NRXN3: variants seen among roughly 807,000 people sequenced by gnomAD.
NRXN3 encodes neurexin 3.
In NRXN3, 32 loss-of-function variants were observed where a neutral mutation model predicts 137.6. The ratio of observed to expected loss-of-function variants is 0.23; its 90% CI spans 0.18 to 0.31. NRXN3 has a LOEUF of 0.31. Ranked by LOEUF, NRXN3 falls within the 10% of genes least tolerant of loss-of-function variation. The pLI, the probability that NRXN3 is intolerant of heterozygous loss-of-function variation, is 1.00. For synonymous variants in NRXN3, 798 were observed against 784.5 expected (o/e 1.02, Z -0.29); for missense variants, 1,574 against 2,062.5 (o/e 0.76, Z 4.59).
In NRXN3 at chr14:78,709,456, T is replaced by C. The variant is rs753449966; in HGVS notation, c.1461T>C (p.Thr487=). The change falls in exon 7 of 21, where the codon ACT becomes ACC. Residue 487 remains threonine (T), a synonymous_variant. Transcript: ENST00000335750. ...TTEPNGLILF[T]HGKPQERKDA... ...AGCCCAATGGCCTGATCCTCTTCAC[T>C]CATGGAAAGCCCCAAGAGAGGAAGG... 9 of 1,613,932 alleles carry C rather than the reference T, an allele frequency of 5.6e-6. No homozygotes were observed. In the East Asian group the frequency reaches 2.0e-4, roughly 36 times the overall value.
chr14:78,783,421 A>G (rs965127047), intron 8 of NRXN3, among the ~76,000 whole-genome samples: 3 of 152,230 alleles, frequency 2.0e-5, no homozygotes, highest in Non-Finnish European at 4.4e-5. Flanking sequence ...GGAAGGGAGC[A>G]TGGCAAAATA....
intron 8 of NRXN3, among the ~76,000 whole-genome samples, chr14:78,782,702 A>G (rs1002386420): frequency 2.6e-5 from 4 of 152,208 alleles, no homozygotes; most frequent in African/African-American, 4.8e-5. Context: ...CCAAAAGCTA[A>G]TGAGTCATGA....
At chr14:79,295,386 A>C (rs2083896138) in intron 15 of NRXN3, among the ~76,000 whole-genome samples, 1 of 152,108 alleles carries the variant, frequency 6.6e-6, no homozygotes, top group Non-Finnish European at 1.5e-5. Context: ...TCAAGATTAT[A>C]TGAAAAAATT....
intron 16 of NRXN3, among the ~76,000 whole-genome samples, chr14:79,578,564 A>G (rs938161926): frequency 3.3e-5 from 5 of 152,166 alleles, no homozygotes; most frequent in Non-Finnish European, 5.9e-5. Context: ...CAGCACCCAC[A>G]CTAAACAAAG....
intron 17 of NRXN3, among the ~76,000 whole-genome samples, chr14:79,680,951 T>A (rs768000236): frequency 2.6e-5 from 4 of 152,116 alleles, no homozygotes; most frequent in Non-Finnish European, 4.4e-5. Flanking sequence ...TCCCTGCTCT[T>A]CCCCTAGTCT....
At chr14:78,419,020 T>C (rs2093303454) in intron 4 of NRXN3, among the ~76,000 whole-genome samples, 1 of 152,222 alleles carries the variant, frequency 6.6e-6, no homozygotes, top group African/African-American at 2.4e-5. Context: ...GAGTGCTAAC[T>C]CTGTGCTGGG....
chr14:78,557,211 T>C (rs1000403164), intron 4 of NRXN3, among the ~76,000 whole-genome samples: 9 of 149,198 alleles, frequency 6.0e-5, no homozygotes, highest in African/African-American at 2.2e-4. Context: ...CACCTGGCTA[T>C]ATTTTTTTCT....
chr14:78,441,121 G>A (rs2094230832), intron 4 of NRXN3, among the ~76,000 whole-genome samples: 1 of 152,152 alleles, frequency 6.6e-6, no homozygotes, highest in Admixed American at 6.5e-5. Context: ...TATGTTTTAG[G>A]AGTAGTTGAT....
chr14:79,259,968 C>T (rs1218965082), intron 15 of NRXN3, among the ~76,000 whole-genome samples: 1 of 152,060 alleles, frequency 6.6e-6, no homozygotes, highest in Non-Finnish European at 1.5e-5. Context: ...GTGCAGAATT[C>T]AAGAGTGCCA....
At position 78,785,705 on chromosome 14, in the gene NRXN3, T is replaced by TA. The variant is rs554677890; in HGVS notation, c.2045-17914dup. Reference sequence around the variant, plus strand: ...GCATCCTAGTCATCCGCCAGGCAGTTACAACTTTGTTGTTGTTGTTTTTGG... The same window carrying TA: ...GCATCCTAGTCATCCGCCAGGCAGTTAACAACTTTGTTGTTGTTGTTTTTGG... On this transcript the variant is annotated intron_variant, in intron 8 of 20. Transcript: ENST00000335750. 1.1e-3 allele frequency among the ~76,000 whole-genome samples: 170 copies of TA among 152,204 alleles called. 1 individual carries two copies. Among genetic ancestry groups the TA allele is most frequent in the Non-Finnish European group, 1.6e-3 (112 of 68,036 alleles).
chr14:79,434,909 A>G (rs1175378886), intron 15 of NRXN3, among the ~76,000 whole-genome samples: 1 of 152,154 alleles, frequency 6.6e-6, no homozygotes, highest in African/African-American at 2.4e-5. Flanking sequence ...ACATCCAGTC[A>G]CCATATGAGG....
At chr14:79,796,098 T>C (rs144767654) in intron 19 of NRXN3, among the ~76,000 whole-genome samples, 63 of 152,144 alleles carry the variant, frequency 4.1e-4, no homozygotes, top group Admixed American at 1.5e-3. Context: ...TTAGCAATCC[T>C]AGAGAGGACA....
At chr14:79,707,240 A>AAAT (rs1183538194) in intron 19 of NRXN3, among the ~76,000 whole-genome samples, 2 of 152,206 alleles carry the variant, frequency 1.3e-5, no homozygotes, top group African/African-American at 4.8e-5. Context: ...AGTTGAAGAA[A>AAAT]AATAAATGTG....
intron 4 of NRXN3, among the ~76,000 whole-genome samples, chr14:78,616,232 A>G (rs1263133125): frequency 6.6e-6 from 1 of 152,188 alleles, no homozygotes. Flanking sequence ...CTTCTTGGCA[A>G]GGTTTGCAAA....
At chr14:78,192,330 AC>A (rs1257738983) in intron 1 of NRXN3, among the ~76,000 whole-genome samples, 1 of 151,964 alleles carries the variant, frequency 6.6e-6, no homozygotes, top group Non-Finnish European at 1.5e-5. Context: ...GCAGAGAGGG[AC>A]TCAACTCAGG....
chr14:78,892,526 A>G (rs899743293), intron 10 of NRXN3, among the ~76,000 whole-genome samples: 3 of 151,872 alleles, frequency 2.0e-5, no homozygotes, highest in African/African-American at 7.2e-5. Flanking sequence ...TGAGTGGGGA[A>G]GAAGTGTGAT....
At chr14:79,433,086 T>C (rs1403666646) in intron 15 of NRXN3, among the ~76,000 whole-genome samples, 1 of 152,214 alleles carries the variant, frequency 6.6e-6, no homozygotes, top group Non-Finnish European at 1.5e-5. Flanking sequence ...AAATTTATAG[T>C]GCAGTAAATG....
chr14:78,993,913 G>A lies in NRXN3; in HGVS notation c.3262+5772G>A, dbSNP rs912102572. The stretch of plus-strand genomic sequence containing the variant: ...TGCCCAGGCTGGATTGCAGTGGTGC[G>A]ATCTCAGTTCACTGCAACCTCCGCC... On this transcript the variant is annotated intron_variant, in intron 15 of 20. Transcript: ENST00000335750. Among the ~76,000 whole-genome samples the A allele has an allele frequency of 2.8e-5, 4 of 140,690 alleles. No individual in the cohort carries two copies. The South Asian group carries it at 6.9e-4, about 24-fold the overall frequency. 92.3% of individuals were successfully genotyped at this position (140,690 alleles called of 152,430 possible).
At chr14:79,752,560 A>T (rs2099001931) in intron 19 of NRXN3, among the ~76,000 whole-genome samples, 1 of 152,188 alleles carries the variant, frequency 6.6e-6, no homozygotes, top group African/African-American at 2.4e-5. Context: ...CTTATACAAA[A>T]ATTAATTCAA....
Sources: allele counts gnomAD v4.1 joint callset (sites outside exome capture counted in the v4.1 genomes callset), GRCh38; gene constraint gnomAD v4.1.1; transcripts MANE v1.5; gene names NCBI Gene and HGNC (gene_info 2026-07-23, HGNC 2026-07-21).